Variants in IGFBP2 observed in about 807,000 individuals in gnomAD.
IGFBP2 encodes the protein insulin like growth factor binding protein 2, also known as insulin-like growth factor-binding protein 2.
IGFBP2 carries 12 observed loss-of-function variants against 26.2 expected under a neutral mutation model. That is an observed-to-expected ratio of 0.46 (90% CI 0.29 to 0.74). The LOEUF is 0.74. IGFBP2 is among the 30% of genes least tolerant of loss of function. IGFBP2 has a pLI of 0.09. For missense variants in IGFBP2, 328 were observed against 441.2 expected (o/e 0.74, Z 2.30); for synonymous variants, 189 against 200.6 (o/e 0.94, Z 0.49).
chr2:216,652,826 C>T (rs905724514), intron 1 of IGFBP2, among the ~76,000 whole-genome samples: 3 of 152,160 alleles, frequency 2.0e-5, no homozygotes, highest in Admixed American at 6.5e-5. Flanking sequence ...ATTCCCCTGG[C>T]CCATTACTCA....
At chr2:216,658,754 G>A (rs1697968693) in intron 1 of IGFBP2, among the ~76,000 whole-genome samples, 1 of 151,804 alleles carries the variant, frequency 6.6e-6, no homozygotes, top group East Asian at 1.9e-4. Flanking sequence ...GTTTCACCAT[G>A]TTGGCCAGGC....
intron 1 of IGFBP2, among the ~76,000 whole-genome samples, chr2:216,639,416 C>T (rs1238022932): frequency 2.0e-5 from 3 of 152,044 alleles, no homozygotes; most frequent in Admixed American, 6.6e-5. Context: ...ACCTATGATG[C>T]CTGGCAGGAT....
chr2:216,659,566 C>T (rs898172033), intron 1 of IGFBP2: 7 of 654,868 alleles, frequency 1.1e-5, no homozygotes, highest in East Asian at 2.8e-5. Flanking sequence ...CTCTGCCGTG[C>T]GATTCAGATC....
At chr2:216,648,151 G>A (rs1263270399) in intron 1 of IGFBP2, among the ~76,000 whole-genome samples, 1 of 152,048 alleles carries the variant, frequency 6.6e-6, no homozygotes, top group African/African-American at 2.4e-5. Context: ...TTAGTTTAAG[G>A]CTGTTTTCTC....
chr2:216,641,110 A>G (rs922060134), intron 1 of IGFBP2, among the ~76,000 whole-genome samples: 3 of 152,142 alleles, frequency 2.0e-5, no homozygotes, highest in Non-Finnish European at 4.4e-5. Context: ...TAAAATAGCA[A>G]TGATTTTACC....
chr2:216,639,901 C>T (rs1318672847), intron 1 of IGFBP2, among the ~76,000 whole-genome samples: 2 of 152,148 alleles, frequency 1.3e-5, no homozygotes, highest in African/African-American at 4.8e-5. Flanking sequence ...CCTTGGCCTC[C>T]CAAAGTGCTG....
At chr2:216,663,699 G>T in intron 3 of IGFBP2, 1 of 431,782 alleles carries the variant, frequency 2.3e-6, no homozygotes, top group Non-Finnish European at 4.2e-6. Flanking sequence ...GTCCCTGGGC[G>T]GGCAGCATCA....
At chr2:216,658,194 C>A (rs532095189) in intron 1 of IGFBP2, among the ~76,000 whole-genome samples, 163 of 152,212 alleles carry the variant, frequency 1.1e-3, no homozygotes, top group Middle Eastern at 3.4e-3. Context: ...CTTCTTTGTC[C>A]CTTCAATTTT....
At chr2:216,650,477 C>T (rs188621070) in intron 1 of IGFBP2, among the ~76,000 whole-genome samples, 13 of 152,270 alleles carry the variant, frequency 8.5e-5, no homozygotes, top group African/African-American at 1.2e-4. Context: ...AGTGGTTTGA[C>T]GTGGAGGGGA....
At chr2:216,656,299 G>A (rs1424493863) in intron 1 of IGFBP2, among the ~76,000 whole-genome samples, 2 of 152,246 alleles carry the variant, frequency 1.3e-5, no homozygotes, top group Non-Finnish European at 2.9e-5. Flanking sequence ...GCCCAGGGAA[G>A]ATCCTGTGCC....
intron 1 of IGFBP2, among the ~76,000 whole-genome samples, chr2:216,640,351 C>G (rs1258696998): frequency 6.6e-6 from 1 of 152,200 alleles, no homozygotes; most frequent in Non-Finnish European, 1.5e-5. Context: ...AGAGTTAGCA[C>G]TAGCGCTGCT....
chr2:216,639,176 G>A (rs978488566), intron 1 of IGFBP2, among the ~76,000 whole-genome samples: 2 of 151,966 alleles, frequency 1.3e-5, no homozygotes, highest in African/African-American at 4.8e-5. Flanking sequence ...GGGAATTCAC[G>A]CATGCACCAC....
rs2106184661 is a variant in IGFBP2 at position 216,633,913 on chromosome 2, T to C, written c.390T>C (p.Thr130=). The C allele has an allele frequency of 2.5e-6, 4 of 1,601,794 alleles. No individual in the cohort carries two copies. The East Asian group carries it at 9.0e-5, about 36-fold the overall frequency. The stretch of plus-strand genomic sequence containing the variant: ...AGGCGCTGGTCATGGGCGAGGGCAC[T>C]TGTGAGAAGCGCCGGGACGCCGAGT... ...PLQALVMGEG[T]CEKRRDAEYG... is the part of the protein sequence containing the mutation. The change falls in exon 1 of 4, where the codon ACT becomes ACC. Residue 130 remains threonine (T), a synonymous_variant. Transcript: ENST00000233809.
At chr2:216,636,401 C>G (rs958007060) in intron 1 of IGFBP2, among the ~76,000 whole-genome samples, 1 of 151,916 alleles carries the variant, frequency 6.6e-6, no homozygotes, top group African/African-American at 2.4e-5. Context: ...GTCTTTGTTC[C>G]CGGGACTCAG....
intron 1 of IGFBP2, among the ~76,000 whole-genome samples, chr2:216,644,715 ATTTTGTTTT>A (rs2106193779): frequency 6.6e-6 from 1 of 152,246 alleles, no homozygotes; most frequent in East Asian, 1.9e-4. Flanking sequence ...CAGAAAGCTC[ATTTTGTTTT>A]TTTTGTTTGT....
Position 216,636,859 on chromosome 2 carries a change from G to A in IGFBP2, c.442+2894G>A, listed in dbSNP as rs554872183. 4.1e-5 allele frequency among the ~76,000 whole-genome samples: 6 copies of A among 146,374 alleles called. No individual in the cohort carries two copies. In the South Asian group the frequency reaches 9.0e-4, roughly 22 times the overall value. On this transcript the variant is annotated intron_variant, in intron 1 of 3. Coordinates refer to ENST00000233809, the MANE Select transcript of IGFBP2 (RefSeq NM_000597.3). Reference sequence around the variant, plus strand: ...CGAGTGGCCGTTTGGCCCGCTGCACGTATAAAGGTGCTACAGAAATGTGTA... The same window carrying A: ...CGAGTGGCCGTTTGGCCCGCTGCACATATAAAGGTGCTACAGAAATGTGTA...
intron 3 of IGFBP2, chr2:216,662,364 A>G (rs1688673162): frequency 3.7e-6 from 1 of 269,950 alleles, no homozygotes; most frequent in Admixed American, 4.9e-5. Flanking sequence ...GCCATGTGGT[A>G]GGTCAGGTTT....
intron 1 of IGFBP2, among the ~76,000 whole-genome samples, chr2:216,637,955 G>A (rs1697532737): frequency 6.6e-6 from 1 of 152,228 alleles, no homozygotes; most frequent in African/African-American, 2.4e-5. Flanking sequence ...TTGGGAGGCC[G>A]AGGCAGGTGG....
intron 3 of IGFBP2, chr2:216,662,335 C>T (rs901319155): frequency 3.5e-6 from 1 of 285,854 alleles, no homozygotes; most frequent in African/African-American, 2.2e-5. Context: ...GGAGCTCTTC[C>T]TGGGCCCGCC....
Sources: allele counts gnomAD v4.1 joint callset (sites outside exome capture counted in the v4.1 genomes callset), GRCh38; gene constraint gnomAD v4.1.1; transcripts MANE v1.5; gene names NCBI Gene and HGNC (gene_info 2026-07-23, HGNC 2026-07-21).